Variants in GPR26 observed in about 807,000 individuals in gnomAD.
GPR26 encodes the protein G protein-coupled receptor 26.
In GPR26, 15 loss-of-function variants were observed where a neutral mutation model predicts 23.1. The observed-to-expected ratio is 0.65, with a 90% CI of 0.43 to 1.00. The LOEUF (loss-of-function observed/expected upper bound fraction) is 1.00. Among genes scored for constraint, GPR26 ranks in the 50% least tolerant of loss-of-function variants. GPR26 has a pLI of 0.00. For missense variants in GPR26, 359 were observed against 470.5 expected (o/e 0.76, Z 2.19); for synonymous variants, 228 against 222.1 (o/e 1.03, Z -0.24).
At position 123,690,125 on chromosome 10, in the gene GPR26, C is replaced by T. The variant is rs750293841; in HGVS notation, c.*1965C>T. On this transcript the variant is annotated 3_prime_UTR_variant, in exon 3 of 3. Coordinates refer to ENST00000284674, the MANE Select transcript of GPR26 (RefSeq NM_153442.4). The stretch of plus-strand genomic sequence containing the variant: ...TCCCTGAAACAAAATTGCTCTGGCT[C>T]AGAGCTCCTTTGGCCACTCATATTA... 8 of 152,132 alleles carry T rather than the reference C, an allele frequency of 5.3e-5. No individual in the cohort carries two copies. The highest frequency in any genetic ancestry group is 1.2e-4 in the African/African-American group (5 of 41,414). The allele number at this position is 152,132 out of a possible 1,614,324, so 9.4% of individuals were successfully genotyped here.
At chr10:123,683,033 CGT>C (rs10608896) in intron 2 of GPR26, among the ~76,000 whole-genome samples, 99,807 of 150,704 alleles carry the variant, frequency 0.66, 33,868 homozygotes, top group Non-Finnish European at 0.76. Flanking sequence ...CATGTGTTTA[CGT>C]GTGTGTGTGT....
chr10:123,672,116 T>A (rs775612806), intron 1 of GPR26, among the ~76,000 whole-genome samples: 19 of 152,300 alleles, frequency 1.2e-4, no homozygotes, highest in Non-Finnish European at 1.2e-4. Flanking sequence ...GCAGAGGAGA[T>A]GGATTCATCC....
chr10:123,669,774 C>T (rs1032181045), intron 1 of GPR26, among the ~76,000 whole-genome samples: 1 of 152,228 alleles, frequency 6.6e-6, no homozygotes, highest in African/African-American at 2.4e-5. Flanking sequence ...CTCCAAAATA[C>T]CCGGGACCCT....
At chr10:123,672,338 A>G (rs1845260987) in intron 1 of GPR26, among the ~76,000 whole-genome samples, 1 of 152,138 alleles carries the variant, frequency 6.6e-6, no homozygotes, top group Non-Finnish European at 1.5e-5. Context: ...GGAGTCTTTT[A>G]GCTGGTCTGT....
At position 123,691,014 on chromosome 10, in the gene GPR26, C is replaced by A. The variant is rs1455236853; in HGVS notation, c.*2854C>A. On this transcript the variant is annotated 3_prime_UTR_variant, in exon 3 of 3. Transcript: ENST00000284674. ...CTTTCAAGAAGCTTGAAAATAAGGCCATAAAGGAGGGGCTTTCAAATTCCT... is the reference window on the plus strand; with the variant it reads ...CTTTCAAGAAGCTTGAAAATAAGGCAATAAAGGAGGGGCTTTCAAATTCCT... The A allele has an allele frequency of 6.6e-6, 1 of 152,122 alleles. No homozygotes were observed. Among genetic ancestry groups the A allele is most frequent in the Non-Finnish European group, 1.5e-5 (1 of 68,024 alleles). 9.4% of individuals were successfully genotyped at this position (152,122 alleles called of 1,614,324 possible).
Position 123,692,744 on chromosome 10 carries a change from A to G in GPR26, c.*4584A>G, listed in dbSNP as rs1267716761. The G allele has an allele frequency of 6.6e-6, 1 of 152,210 alleles. No individual in the cohort carries two copies. The highest frequency in any genetic ancestry group is 1.5e-5 in the Non-Finnish European group (1 of 68,064). 9.4% of individuals were successfully genotyped at this position (152,210 alleles called of 1,614,324 possible). On this transcript the variant is annotated 3_prime_UTR_variant, in exon 3 of 3. Coordinates refer to ENST00000284674, the MANE Select transcript of GPR26 (RefSeq NM_153442.4). ...ATCTTTTGATGTAGGTGCTGTTATT[A>G]TCTCTACGTTACACATCTGGGAGGA...
At chr10:123,672,770 C>T (rs1406686285) in intron 1 of GPR26, among the ~76,000 whole-genome samples, 4 of 152,164 alleles carry the variant, frequency 2.6e-5, no homozygotes, top group Non-Finnish European at 5.9e-5. Flanking sequence ...AGATCTGAGC[C>T]TTTTCCTTTT....
At position 123,692,893 on chromosome 10, in the gene GPR26, A is replaced by C. The variant is rs575444651; in HGVS notation, c.*4733A>C. 6.6e-6 allele frequency: 1 copy of C among 152,072 alleles called. No individual in the cohort carries two copies. Among genetic ancestry groups the C allele is most frequent in the Non-Finnish European group, 1.5e-5 (1 of 68,036 alleles). 9.4% of individuals were successfully genotyped at this position (152,072 alleles called of 1,614,324 possible). ...TCTATTAATAAGTATCTAAGTTTCA[A>C]TTGTCTTGTATCTTTCCCTAATTCT... On this transcript the variant is annotated 3_prime_UTR_variant, in exon 3 of 3. Transcript: ENST00000284674.
At chr10:123,683,440 T>A (rs1429950437) in intron 2 of GPR26, among the ~76,000 whole-genome samples, 1 of 152,112 alleles carries the variant, frequency 6.6e-6, no homozygotes, top group Non-Finnish European at 1.5e-5. Context: ...GCTGCAGGGG[T>A]TATGGTCCTG....
Position 123,688,046 on chromosome 10 carries a change from G to C in GPR26, c.900G>C (p.Gln300His). 1.2e-6 allele frequency: 2 copies of C among 1,614,068 alleles called. No individual in the cohort carries two copies. Among genetic ancestry groups the C allele is most frequent in the Non-Finnish European group, 1.7e-6 (2 of 1,179,948 alleles). The part of the protein sequence containing the change: ...DPFVYSLLRH[Q>H]YRKSCKEILN... ...TTGTGTACTCCTTACTGCGACACCA[G>C]TACCGCAAAAGCTGCAAGGAGATTC... Residue 300 changes from glutamine (Q) to histidine (H), a missense_variant, in exon 3 of 3, where the codon CAG becomes CAC. Gln to His is a conservative substitution (Grantham distance 24). Coordinates refer to ENST00000284674, the MANE Select transcript of GPR26 (RefSeq NM_153442.4).
At chr10:123,684,995 G>A (rs990598) in intron 2 of GPR26, among the ~76,000 whole-genome samples, 46,855 of 152,032 alleles carry the variant, frequency 0.31, 8,374 homozygotes, top group Middle Eastern at 0.44. Flanking sequence ...CCTTACACTG[G>A]AGACTTCTGC....
At chr10:123,685,442 A>G (rs1311770079) in intron 2 of GPR26, among the ~76,000 whole-genome samples, 2 of 152,218 alleles carry the variant, frequency 1.3e-5, no homozygotes, top group Admixed American at 6.5e-5. Context: ...AACCACCTGC[A>G]TGGGGCCGCG....
Position 123,666,861 on chromosome 10 carries a change from C to T in GPR26, c.454C>T (p.Leu152=). Residue 152 remains leucine, a synonymous_variant, in exon 1 of 3, where the codon CTG becomes TTG. Coordinates refer to ENST00000284674, the MANE Select transcript of GPR26 (RefSeq NM_153442.4). The part of the protein sequence containing the change: ...LALSWLGFHQ[L]YASCTLCSRR... ...CCTGTCCTGGCTCGGCTTCCACCAG[C>T]TGTACGCCTCGTGCACGCTGTGCAG... The T allele has an allele frequency of 6.2e-7, 1 of 1,611,064 alleles. No individual in the cohort carries two copies. Among genetic ancestry groups the T allele is most frequent in the Non-Finnish European group, 8.5e-7 (1 of 1,178,990 alleles).
At chr10:123,670,681 C>T (rs1022779541) in intron 1 of GPR26, among the ~76,000 whole-genome samples, 1 of 152,224 alleles carries the variant, frequency 6.6e-6, no homozygotes, top group South Asian at 2.1e-4. Flanking sequence ...TTGCACACTG[C>T]ACGTTGCACA....
Position 123,666,953 on chromosome 10 carries a change from G to C in GPR26, c.546G>C (p.Leu182=), listed in dbSNP as rs1223693243. 1 of 1,613,812 alleles carries C rather than the reference G, an allele frequency of 6.2e-7. No homozygotes were observed. The highest frequency in any genetic ancestry group is 1.3e-5 in the African/African-American group (1 of 75,066). The change falls in exon 1 of 3, where the codon CTG becomes CTC. Residue 182 remains leucine (L), a synonymous_variant. Transcript: ENST00000284674. ...GCGCCTTCCACGCTCTCAGCTTCCTGCTCTCCTTCGTCGTGCTCTGCTGCA... is the reference window on the plus strand; with the variant it reads ...GCGCCTTCCACGCTCTCAGCTTCCTCCTCTCCTTCGTCGTGCTCTGCTGCA... ...FTGAFHALSF[L]LSFVVLCCTY...
In GPR26 at chr10:123,666,399, G is replaced by A; in HGVS notation, c.-9G>A. 1.4e-6 allele frequency: 2 copies of A among 1,417,738 alleles called. No individual in the cohort carries two copies. Among genetic ancestry groups the A allele is most frequent in the South Asian group, 1.5e-5 (1 of 65,772 alleles). 87.8% of individuals were successfully genotyped at this position (1,417,738 alleles called of 1,614,324 possible). ...TGCGGACCCTGAGCGCCGGCGCGGG[G>A]CGCGCACCATGAACTCGTGGGACGC... is the stretch of plus-strand genomic sequence containing the variant. On this transcript the variant is annotated 5_prime_UTR_variant, in exon 1 of 3. Coordinates refer to ENST00000284674, the MANE Select transcript of GPR26 (RefSeq NM_153442.4).
chr10:123,684,533 GTCCAAGATCAAGGTGTTGGT>G (rs1845411084), intron 2 of GPR26, among the ~76,000 whole-genome samples: 1 of 152,198 alleles, frequency 6.6e-6, no homozygotes, highest in South Asian at 2.1e-4. Flanking sequence ...AAGGCCAGAA[GTCCAAGATCAAGGTGTTGGT>G]TCCTTCTGAG....
At chr10:123,667,693 C>T (rs1490314774) in intron 1 of GPR26, among the ~76,000 whole-genome samples, 3 of 151,848 alleles carry the variant, frequency 2.0e-5, no homozygotes, top group African/African-American at 7.3e-5. Flanking sequence ...AGAGCACTGT[C>T]CAATGTCTGC....
At chr10:123,669,456 C>T (rs1032556504) in intron 1 of GPR26, among the ~76,000 whole-genome samples, 1 of 152,228 alleles carries the variant, frequency 6.6e-6, no homozygotes, top group African/African-American at 2.4e-5. Flanking sequence ...CCAGGCACCA[C>T]CAGTCTCAGG....
Sources: gnomAD v4.1 joint callset for allele counts (sites outside exome capture counted in the v4.1 genomes callset) on GRCh38, gnomAD v4.1.1 for gene constraint, MANE v1.5 for transcripts, NCBI Gene and HGNC (gene_info 2026-07-23, HGNC 2026-07-21) for gene names.